SEH1L: variants seen among roughly 807,000 people sequenced by gnomAD.
The protein encoded by SEH1L is SEH1 like nucleoporin.
A neutral mutation model predicts 49.5 loss-of-function variants in SEH1L; 18 were observed. That is an observed-to-expected ratio of 0.36 (90% confidence interval 0.25 to 0.54). The LOEUF (loss-of-function observed/expected upper bound fraction) is 0.54, where lower values mean the gene tolerates loss of function less well. SEH1L is among the 20% of genes least tolerant of loss of function. The pLI is 0.87. For missense variants in SEH1L, 404 were observed against 528.8 expected (o/e 0.76, Z 2.31); for synonymous variants, 169 against 178.1 (o/e 0.95, Z 0.41).
chr18:12,951,911 T>C lies in SEH1L; in HGVS notation c.162+6T>C, dbSNP rs1282188291. ...ATTGTACTGCTAGCTGGAAGGTTAGTATTTATTTTTACATTTATTAAAAAT... is the reference window on the plus strand; with the variant it reads ...ATTGTACTGCTAGCTGGAAGGTTAGCATTTATTTTTACATTTATTAAAAAT... On this transcript the variant is annotated splice_donor_region_variant and intron_variant, in intron 2 of 8. Transcript: ENST00000399892. 1 of 1,467,882 alleles carries C rather than the reference T, an allele frequency of 6.8e-7. No homozygotes were observed. Among genetic ancestry groups the C allele is most frequent in the Non-Finnish European group, 9.3e-7 (1 of 1,069,910 alleles). The allele number at this position is 1,467,882 out of a possible 1,614,324, so 90.9% of individuals were successfully genotyped here.
At chr18:12,952,528 C>G (rs1361535243) in intron 2 of SEH1L, among the ~76,000 whole-genome samples, 1 of 152,112 alleles carries the variant, frequency 6.6e-6, no homozygotes, top group Non-Finnish European at 1.5e-5. Flanking sequence ...CTGTGCCCGG[C>G]CAAGTAGAAA....
In SEH1L at chr18:12,981,850, A is replaced by ATTTTTTTTTTTTT. The variant is rs554886753; in HGVS notation, c.762-653_762-641dup. Among the ~76,000 whole-genome samples, 73 of 88,192 alleles carry ATTTTTTTTTTTTT rather than the reference A, an allele frequency of 8.3e-4. 11 individuals carry two copies. The highest frequency in any genetic ancestry group is 4.0e-3 in the African/African-American group (71 of 17,578). 57.9% of individuals were successfully genotyped at this position (88,192 alleles called of 152,430 possible). A position where few individuals can be genotyped will look rare whatever the true frequency, so the allele number is the denominator to read the frequency against. Reference sequence around the variant, plus strand: ...TTCTTTCCTACTTGCTGCCCTGCCCATTTTTTTTTTTTTTTTTTTTTTTTT... The same window carrying ATTTTTTTTTTTTT: ...TTCTTTCCTACTTGCTGCCCTGCCCATTTTTTTTTTTTTTTTTTTTTTTTTTTTTTTTTTTTTT... On this transcript the variant is annotated intron_variant, in intron 6 of 8. Coordinates refer to ENST00000399892, the MANE Select transcript of SEH1L (RefSeq NM_001013437.2).
chr18:12,984,182 T>G lies in SEH1L; in HGVS notation c.1062T>G (p.Ser354=). 6.2e-7 allele frequency: 1 copy of G among 1,613,632 alleles called. No homozygotes were observed. The highest frequency in any genetic ancestry group is 8.5e-7 in the Non-Finnish European group (1 of 1,179,686). ...PSLQNSLNGS[S]AGRYFFTPLD... ...TTCAGAATTCATTAAATGGATCTTC[T>G]GCTGGCAGGTAGGCTGCTTCATGGG... is the stretch of plus-strand genomic sequence containing the variant. The change falls in exon 8 of 9, where the codon TCT becomes TCG. Residue 354 remains serine, a synonymous_variant. Transcript: ENST00000399892.
chr18:12,956,286 T>C (rs1046516474), intron 3 of SEH1L, among the ~76,000 whole-genome samples: 1 of 152,024 alleles, frequency 6.6e-6, no homozygotes, highest in African/African-American at 2.4e-5. Flanking sequence ...CCTCGTGATC[T>C]GCCTGTCGGC....
At chr18:12,971,334 TA>T in intron 5 of SEH1L, 83 bp downstream of exon 5, 1 of 911,452 alleles carries the variant, frequency 1.1e-6, no homozygotes, top group Non-Finnish European at 1.7e-6. Context: ...TTTACAGAAT[TA>T]TGTGTCATTC....
At chr18:12,969,533 C>G (rs1388722378) in intron 4 of SEH1L, among the ~76,000 whole-genome samples, 1 of 151,000 alleles carries the variant, frequency 6.6e-6, no homozygotes, top group Non-Finnish European at 1.5e-5. Context: ...ACTAAAGATA[C>G]AAAAATTAGC....
At chr18:12,950,464 G>A (rs1202534543) in intron 1 of SEH1L, among the ~76,000 whole-genome samples, 2 of 152,010 alleles carry the variant, frequency 1.3e-5, no homozygotes, top group Non-Finnish European at 2.9e-5. Flanking sequence ...TAGACTTATT[G>A]CTAATGTGTT....
At chr18:12,981,907 T>A (rs1202416652) in intron 6 of SEH1L, among the ~76,000 whole-genome samples, 1 of 133,594 alleles carries the variant, frequency 7.5e-6, no homozygotes, top group African/African-American at 2.8e-5. Flanking sequence ...TTGCCCAGGC[T>A]GGAGGGCAGT....
intron 2 of SEH1L, among the ~76,000 whole-genome samples, chr18:12,954,231 A>G (rs1265992677): frequency 6.6e-6 from 1 of 152,194 alleles, no homozygotes; most frequent in East Asian, 1.9e-4. Context: ...ATTATACAGT[A>G]TTTTCCCTGA....
intron 8 of SEH1L, chr18:12,986,060 C>T: frequency 2.0e-6 from 2 of 982,934 alleles, no homozygotes; most frequent in Non-Finnish European, 2.4e-6. Flanking sequence ...AATTTGGACA[C>T]ACACTATTAA....
chr18:12,979,712 T>C (rs1598975593), intron 6 of SEH1L, among the ~76,000 whole-genome samples: 1 of 134,460 alleles, frequency 7.4e-6, no homozygotes, highest in African/African-American at 2.9e-5. Context: ...CCCCCCCACC[T>C]CCCTCCCGGA....
In SEH1L at chr18:12,984,164, T is replaced by A; in HGVS notation, c.1044T>A (p.Asn348Lys). ...GTTCAACTATTCCAAGTCTTCAGAATTCATTAAATGGATCTTCTGCTGGCA... is the reference window on the plus strand; with the variant it reads ...GTTCAACTATTCCAAGTCTTCAGAAATCATTAAATGGATCTTCTGCTGGCA... Reference protein sequence around the residue: ...SLGSTIPSLQNSLNGSSAGRY... With the variant: ...SLGSTIPSLQKSLNGSSAGRY... Residue 348 changes from asparagine (N) to lysine (K), a missense_variant, in exon 8 of 9, where the codon AAT (asparagine) becomes AAA (lysine). By Grantham distance (94) the Asn-to-Lys change is moderately conservative. This residue lies in a region of SEH1L where 342 missense variants were observed against 430.8 expected (regional missense o/e 0.79). Transcript: ENST00000399892. The A allele has an allele frequency of 1.9e-5, 30 of 1,613,904 alleles. No individual in the cohort carries two copies. Among genetic ancestry groups the A allele is most frequent in the Non-Finnish European group, 2.5e-5 (30 of 1,179,832 alleles).
At chr18:12,979,970 T>A (rs2032114297) in intron 6 of SEH1L, among the ~76,000 whole-genome samples, 1 of 126,044 alleles carries the variant, frequency 7.9e-6, no homozygotes, top group African/African-American at 3.1e-5. Context: ...GCCCCTCACC[T>A]CCCGGACGGG....
intron 6 of SEH1L, among the ~76,000 whole-genome samples, chr18:12,980,936 C>T (rs1183455787): frequency 6.6e-6 from 1 of 150,404 alleles, no homozygotes; most frequent in Non-Finnish European, 1.5e-5. Context: ...CCCCACCTCC[C>T]TCCCGGACGG....
chr18:12,980,418 G>T, intron 6 of SEH1L, among the ~76,000 whole-genome samples: 1 of 95,176 alleles, frequency 1.1e-5, no homozygotes, highest in Admixed American at 8.9e-5. Context: ...CCGGGCGGGG[G>T]GCTGACCCCC....
At chr18:12,981,569 T>C (rs996999128) in intron 6 of SEH1L, among the ~76,000 whole-genome samples, 2 of 152,388 alleles carry the variant, frequency 1.3e-5, no homozygotes, top group Admixed American at 1.3e-4. Context: ...GATTATTTAA[T>C]GAACATTTTA....
intron 4 of SEH1L, among the ~76,000 whole-genome samples, chr18:12,965,006 A>ATT (rs2031375090): frequency 9.3e-6 from 1 of 106,988 alleles, no homozygotes; most frequent in African/African-American, 3.4e-5. Context: ...CCATTTCCTC[A>ATT]TTCTTTTTTT....
At chr18:12,958,426 AT>A (rs1466747194) in intron 3 of SEH1L, among the ~76,000 whole-genome samples, 20 of 152,160 alleles carry the variant, frequency 1.3e-4, no homozygotes. Context: ...AGTAGAATTA[AT>A]TACGTTCACA....
intron 1 of SEH1L, among the ~76,000 whole-genome samples, chr18:12,949,635 A>G (rs1461312645): frequency 2.0e-5 from 3 of 151,416 alleles, no homozygotes; most frequent in Non-Finnish European, 4.4e-5. Context: ...TGTATTTTTT[A>G]GTAGAGACAG....
Sources: gnomAD v4.1 joint callset for allele counts (sites outside exome capture counted in the v4.1 genomes callset) on GRCh38, gnomAD v4.1.1 for gene constraint, gnomAD v4.1.1 regional missense constraint, MANE v1.5 for transcripts, NCBI Gene and HGNC (gene_info 2026-07-23, HGNC 2026-07-21) for gene names.